The following KCNH8 variants were observed in gnomAD, a reference collection of about 807,000 sequenced individuals.
KCNH8 encodes the protein potassium voltage-gated channel subfamily H member 8.
Under a neutral mutation model 103.6 loss-of-function variants are expected in KCNH8, and 70 were observed. That is an observed-to-expected ratio of 0.68 (90% CI 0.56 to 0.82). KCNH8 has a LOEUF of 0.82. Among genes scored for constraint, KCNH8 ranks in the 40% least tolerant of loss-of-function variants. The pLI, the probability that KCNH8 is intolerant of heterozygous loss-of-function variation, is 0.00. For synonymous variants in KCNH8, 498 were observed against 489.4 expected (o/e 1.02, Z -0.23); for missense variants, 1,217 against 1,329.9 (o/e 0.92, Z 1.32).
intron 1 of KCNH8, among the ~76,000 whole-genome samples, chr3:19,214,518 A>G (rs115727079): frequency 2.6e-3 from 401 of 152,304 alleles, no homozygotes; most frequent in African/African-American, 9.4e-3. Flanking sequence ...GACTTAAGGC[A>G]AGGACAATTC....
intron 11 of KCNH8, among the ~76,000 whole-genome samples, chr3:19,492,721 T>C (rs1284314282): frequency 2.6e-5 from 4 of 152,146 alleles, no homozygotes; most frequent in African/African-American, 9.7e-5. Flanking sequence ...TTTTGAAGAA[T>C]GATATTGGTA....
chr3:19,373,068 T>C (rs1218156213), intron 5 of KCNH8, among the ~76,000 whole-genome samples: 2 of 151,976 alleles, frequency 1.3e-5, no homozygotes, highest in African/African-American at 2.4e-5. Context: ...TGGTCTAAAA[T>C]TCTCTTTTTT....
In KCNH8 at chr3:19,397,915, C is replaced by G. The variant is rs2066547856; in HGVS notation, c.1177+2604C>G. On this transcript the variant is annotated intron_variant, in intron 7 of 15. Transcript: ENST00000328405. ...AATAATCATGACCTTCCCTACCTAA[C>G]TTTATAATGAAGTAGCTTAGAGTCT... 1.3e-5 allele frequency among the ~76,000 whole-genome samples: 2 copies of G among 151,898 alleles called. 1 individual carries two copies. The highest frequency in any genetic ancestry group is 4.1e-4 in the South Asian group (2 of 4,832).
intron 3 of KCNH8, among the ~76,000 whole-genome samples, chr3:19,281,768 G>A (rs2064760020): frequency 6.6e-6 from 1 of 152,098 alleles, no homozygotes; most frequent in Non-Finnish European, 1.5e-5. Context: ...CTCTAGCTTA[G>A]TGGTTGTTAG....
chr3:19,456,758 C>T lies in KCNH8; in HGVS notation c.1826-10C>T. 3 of 1,569,870 alleles carry T rather than the reference C, an allele frequency of 1.9e-6. No homozygotes were observed. Among genetic ancestry groups the T allele is most frequent in the South Asian group, 2.2e-5 (2 of 89,838 alleles). ...TTTTTTTTGAAAATGATCTCTCTCTCTCTTTCTAGGGAAAGGGGATTTAAT... is the reference window on the plus strand; with the variant it reads ...TTTTTTTTGAAAATGATCTCTCTCTTTCTTTCTAGGGAAAGGGGATTTAAT... On this transcript the variant is annotated splice_polypyrimidine_tract_variant and intron_variant, in intron 10 of 15. Coordinates refer to ENST00000328405, the MANE Select transcript of KCNH8 (RefSeq NM_144633.3).
chr3:19,482,013 C>T (rs1232184958), intron 11 of KCNH8, among the ~76,000 whole-genome samples: 1 of 152,138 alleles, frequency 6.6e-6, no homozygotes, highest in Non-Finnish European at 1.5e-5. Context: ...CTCCAAAAAC[C>T]GAGCTCCCCG....
intron 7 of KCNH8, among the ~76,000 whole-genome samples, chr3:19,410,248 A>G (rs1189207157): frequency 6.6e-6 from 1 of 152,154 alleles, no homozygotes; most frequent in Non-Finnish European, 1.5e-5. Flanking sequence ...GCCTCTCAAA[A>G]ACCACACAAT....
intron 15 of KCNH8, among the ~76,000 whole-genome samples, chr3:19,523,979 C>A (rs990884804): frequency 6.6e-6 from 1 of 151,820 alleles, no homozygotes; most frequent in African/African-American, 2.4e-5. Flanking sequence ...TTAATGAAAT[C>A]TCCCTGAGTC....
chr3:19,455,036 T>C (rs1330158267), intron 10 of KCNH8, among the ~76,000 whole-genome samples: 1 of 152,192 alleles, frequency 6.6e-6, no homozygotes, highest in Non-Finnish European at 1.5e-5. Context: ...GACCTGTAGA[T>C]ATTTAGCACA....
chr3:19,283,753 C>CA (rs967428039), intron 3 of KCNH8, among the ~76,000 whole-genome samples: 2 of 149,046 alleles, frequency 1.3e-5, no homozygotes, highest in African/African-American at 2.5e-5. Flanking sequence ...CTGTCTTTAC[C>CA]AAAAAAAATA....
At chr3:19,499,845 G>T (rs1575145824) in intron 11 of KCNH8, among the ~76,000 whole-genome samples, 2 of 152,244 alleles carry the variant, frequency 1.3e-5, no homozygotes, top group East Asian at 3.9e-4. Context: ...ATGCCAAAAA[G>T]TAAAGACCAT....
intron 3 of KCNH8, among the ~76,000 whole-genome samples, chr3:19,303,828 A>G: frequency 6.6e-6 from 1 of 152,142 alleles, no homozygotes; most frequent in South Asian, 2.1e-4. Context: ...AGCTGACCTT[A>G]CAAATGGTGC....
intron 11 of KCNH8, among the ~76,000 whole-genome samples, chr3:19,503,296 G>T (rs1389704071): frequency 1.3e-5 from 2 of 151,924 alleles, no homozygotes; most frequent in African/African-American, 4.8e-5. Context: ...TGGAGAGGAT[G>T]TGGAGAAATA....
At chr3:19,424,962 C>G (rs971608882) in intron 7 of KCNH8, among the ~76,000 whole-genome samples, 2 of 152,074 alleles carry the variant, frequency 1.3e-5, no homozygotes, top group African/African-American at 2.4e-5. Flanking sequence ...CCCATCCCCA[C>G]GTCATTTGTG....
intron 5 of KCNH8, among the ~76,000 whole-genome samples, chr3:19,352,268 C>T (rs2065813747): frequency 6.6e-6 from 1 of 152,062 alleles, no homozygotes; most frequent in Non-Finnish European, 1.5e-5. Context: ...ACTTAGACTC[C>T]CACAGAATAA....
rs756105735 is a variant in KCNH8 at position 19,482,933 on chromosome 3, G to A, written c.2040+25951G>A. On this transcript the variant is annotated intron_variant, in intron 11 of 15. Transcript: ENST00000328405. ...ATTATTTCTAAGACAGCTTGTAACC[G>A]TATGATTTGATTGATCCTGTAAATG... Among the ~76,000 whole-genome samples the A allele has an allele frequency of 5.7e-4, 87 of 152,258 alleles. 1 individual carries two copies. Among genetic ancestry groups the A allele is most frequent in the African/African-American group, 7.0e-4 (29 of 41,554 alleles).
chr3:19,422,484 CAAG>C (rs898613293), intron 7 of KCNH8, among the ~76,000 whole-genome samples: 7 of 152,012 alleles, frequency 4.6e-5, no homozygotes, highest in African/African-American at 1.7e-4. Context: ...CCTCAGCAAA[CAAG>C]AAGGGATTTT....
At chr3:19,364,280 G>T (rs2065982661) in intron 5 of KCNH8, among the ~76,000 whole-genome samples, 1 of 152,020 alleles carries the variant, frequency 6.6e-6, no homozygotes, top group Non-Finnish European at 1.5e-5. Flanking sequence ...ACTCCTTCCA[G>T]TTATTCTGTT....
intron 5 of KCNH8, among the ~76,000 whole-genome samples, chr3:19,389,549 G>T (rs2066404902): frequency 6.6e-6 from 1 of 152,054 alleles, no homozygotes; most frequent in Non-Finnish European, 1.5e-5. Flanking sequence ...TCGACACAGA[G>T]ATTAGTAAAA....
Sources: allele counts gnomAD v4.1 joint callset (sites outside exome capture counted in the v4.1 genomes callset), GRCh38; gene constraint gnomAD v4.1.1; transcripts MANE v1.5; gene names NCBI Gene and HGNC (gene_info 2026-07-23, HGNC 2026-07-21).